The following TTC7B variants were observed in gnomAD, a reference collection of about 807,000 sequenced individuals.
The protein encoded by TTC7B is tetratricopeptide repeat domain 7B, also known as tetratricopeptide repeat protein 7B.
TTC7B carries 28 observed loss-of-function variants against 106.8 expected under a neutral mutation model. The observed-to-expected ratio is 0.26, with a 90% confidence interval of 0.19 to 0.36. The LOEUF is 0.36. Among genes scored for constraint, TTC7B ranks in the 10% least tolerant of loss-of-function variants. The pLI is 1.00. For missense variants in TTC7B, 862 were observed against 1,076.4 expected (o/e 0.80, Z 2.79); for synonymous variants, 405 against 430.6 (o/e 0.94, Z 0.74).
At chr14:90,753,003 G>A (rs1357118966) in intron 3 of TTC7B, among the ~76,000 whole-genome samples, 2 of 152,224 alleles carry the variant, frequency 1.3e-5, no homozygotes, top group Non-Finnish European at 2.9e-5. Context: ...TTCTTTGTCT[G>A]TGTCATGAAG....
chr14:90,593,512 G>A lies in TTC7B; in HGVS notation c.2081C>T (p.Thr694Met), dbSNP rs201941721. The change falls in exon 18 of 20, where the codon ACG becomes ATG. Residue 694 changes from threonine to methionine, a missense_variant. Thr to Met is a moderately conservative substitution (Grantham distance 81). Transcript: ENST00000328459. ...TGCATGGAGCCAGATCTGTGCCAGC[G>A]TCATCCAGGGGTGCAGCGGGCCCTG... ...PKQGPLHPWM[T>M]LAQIWLHAAE... is the part of the protein sequence containing the mutation. The A allele has an allele frequency of 1.1e-4, 182 of 1,608,346 alleles. No homozygotes were observed. In the Admixed American group the frequency reaches 2.7e-3, roughly 23 times the overall value.
chr14:90,747,148 T>C (rs1376338813), intron 3 of TTC7B, among the ~76,000 whole-genome samples: 1 of 152,170 alleles, frequency 6.6e-6, no homozygotes, highest in East Asian at 1.9e-4. Context: ...CTAAGGTCAG[T>C]AACATGGGTG....
chr14:90,682,627 G>A (rs141065675), intron 7 of TTC7B, among the ~76,000 whole-genome samples: 2 of 152,310 alleles, frequency 1.3e-5, no homozygotes, highest in African/African-American at 4.8e-5. Flanking sequence ...GAGCCTCAGG[G>A]GGAGATACTG....
intron 1 of TTC7B, among the ~76,000 whole-genome samples, chr14:90,810,634 G>T (rs559138182): frequency 6.6e-6 from 1 of 152,332 alleles, no homozygotes; most frequent in African/African-American, 2.4e-5. Flanking sequence ...AGCGAGTGAG[G>T]CCTGCTCACC....
rs754138337 is a variant in TTC7B, at chr14:90,541,485, G to C, written c.2415C>G (p.Gly805=). The change falls in exon 20 of 20, where the codon GGC becomes GGG. Residue 805 remains glycine, a synonymous_variant. Transcript: ENST00000328459. ...CGTTGCCCTGAGCTTGGAGGACCTC[G>C]CCCAGCCCGTTCCAGACCTCGTGGG... ...STAHEVWNGL[G]EVLQAQGNDA... The C allele has an allele frequency of 6.2e-7, 1 of 1,613,928 alleles. No individual in the cohort carries two copies. Among genetic ancestry groups the C allele is most frequent in the Non-Finnish European group, 8.5e-7 (1 of 1,179,992 alleles).
At chr14:90,603,092 G>A (rs1430079853) in intron 17 of TTC7B, among the ~76,000 whole-genome samples, 16 of 152,206 alleles carry the variant, frequency 1.1e-4, no homozygotes, top group Admixed American at 9.8e-4. Flanking sequence ...GATCTCAGGA[G>A]GGATGGGCTC....
chr14:90,664,885 T>C (rs2139909471), intron 9 of TTC7B, among the ~76,000 whole-genome samples: 1 of 152,270 alleles, frequency 6.6e-6, no homozygotes, highest in African/African-American at 2.4e-5. Flanking sequence ...TTGGCTTTTA[T>C]GAAACAAAGC....
In TTC7B at chr14:90,816,368, C is replaced by CCCG. The variant is rs1381305064; in HGVS notation, c.-76_-74dup. ...CCGCCGCGGCGCCCCCTCGCCGCCT[C>CCCG]CCGCCGCCGCCGCGGGCTCGGGCTC... On this transcript the variant is annotated 5_prime_UTR_variant, in exon 1 of 20. Coordinates refer to ENST00000328459, the MANE Select transcript of TTC7B (RefSeq NM_001010854.2). 5.9e-6 allele frequency: 5 copies of CCCG among 848,568 alleles called. No individual in the cohort carries two copies. The highest frequency in any genetic ancestry group is 5.2e-5 in the South Asian group (1 of 19,348). 52.6% of individuals were successfully genotyped at this position (848,568 alleles called of 1,614,324 possible).
chr14:90,713,323 C>T (rs1056014874), intron 5 of TTC7B, among the ~76,000 whole-genome samples: 3 of 152,096 alleles, frequency 2.0e-5, no homozygotes, highest in Admixed American at 1.3e-4. Flanking sequence ...ACCATTTTGG[C>T]CAGGCTGGTC....
At chr14:90,603,915 G>C (rs562564496) in intron 17 of TTC7B, among the ~76,000 whole-genome samples, 5 of 152,286 alleles carry the variant, frequency 3.3e-5, no homozygotes, top group Non-Finnish European at 4.4e-5. Context: ...TTACTGGCTA[G>C]ACACTCCCTG....
intron 19 of TTC7B, among the ~76,000 whole-genome samples, chr14:90,544,999 GT>G (rs1197398000): frequency 1.3e-5 from 2 of 152,196 alleles, no homozygotes; most frequent in Non-Finnish European, 2.9e-5. Context: ...CAAGTGGAGG[GT>G]TTTTCCCCAC....
chr14:90,609,147 T>C (rs1429525896), intron 17 of TTC7B, among the ~76,000 whole-genome samples: 2 of 152,214 alleles, frequency 1.3e-5, no homozygotes, highest in Non-Finnish European at 2.9e-5. Context: ...TGCTGTGCTA[T>C]TCCAGCCAGG....
intron 7 of TTC7B, 67 bp downstream of exon 7, chr14:90,689,456 CTCTTGTACTTCTCATCA>C (rs1887378468): frequency 8.1e-7 from 1 of 1,231,570 alleles, no homozygotes; most frequent in East Asian, 2.4e-5. Flanking sequence ...AAAAAATCTA[CTCTTGTACTTCTCATCA>C]TCCTTGAATT....
chr14:90,729,968 T>G, intron 5 of TTC7B, 107 bp downstream of exon 5: 8 of 1,222,172 alleles, frequency 6.5e-6, no homozygotes, highest in Non-Finnish European at 7.7e-6. Context: ...CAATGGTAGT[T>G]CATATTTAAA....
intron 15 of TTC7B, among the ~76,000 whole-genome samples, chr14:90,628,842 T>C (rs1203208300): frequency 2.0e-5 from 3 of 152,276 alleles, no homozygotes; most frequent in African/African-American, 7.2e-5. Flanking sequence ...TGGTTTCGCA[T>C]GGCTTGATTC....
At chr14:90,694,656 ATTT>A (rs1274386227) in intron 6 of TTC7B, among the ~76,000 whole-genome samples, 1 of 117,358 alleles carries the variant, frequency 8.5e-6, no homozygotes, top group East Asian at 2.3e-4. Flanking sequence ...TGTCACATAT[ATTT>A]ATTATAAATA....
At chr14:90,806,796 ACTCGGGAGG>A (rs962146214) in intron 1 of TTC7B, among the ~76,000 whole-genome samples, 3 of 152,126 alleles carry the variant, frequency 2.0e-5, no homozygotes, top group Non-Finnish European at 4.4e-5. Context: ...AATCCCAGCT[ACTCGGGAGG>A]CTGCGGTGGG....
intron 16 of TTC7B, among the ~76,000 whole-genome samples, chr14:90,617,412 A>C (rs749701317): frequency 9.2e-5 from 14 of 152,352 alleles, no homozygotes; most frequent in Non-Finnish European, 1.5e-4. Flanking sequence ...TTAGTTAATA[A>C]GGTAAATAAA....
chr14:90,651,392 A>C (rs568792657), intron 13 of TTC7B, among the ~76,000 whole-genome samples: 7 of 152,374 alleles, frequency 4.6e-5, no homozygotes, highest in Non-Finnish European at 1.0e-4. Context: ...AAACTTAAGC[A>C]AAAGATGAAC....
Sources: allele counts gnomAD v4.1 joint callset (sites outside exome capture counted in the v4.1 genomes callset), GRCh38; gene constraint gnomAD v4.1.1; transcripts MANE v1.5; gene names NCBI Gene and HGNC (gene_info 2026-07-23, HGNC 2026-07-21).